The following KIAA1217 variants were observed in gnomAD, a reference collection of about 807,000 sequenced individuals.
KIAA1217 encodes KIAA1217.
A neutral mutation model predicts 163.9 loss-of-function variants in KIAA1217; 88 were observed. The observed-to-expected ratio is 0.54, with a 90% CI of 0.45 to 0.64. The LOEUF is 0.64. Ranked by LOEUF, KIAA1217 falls within the 30% of genes least tolerant of loss-of-function variation. KIAA1217 has a pLI of 0.00. For missense variants in KIAA1217, 2,372 were observed against 2,475.0 expected (o/e 0.96, Z 0.88); for synonymous variants, 903 against 923.1 (o/e 0.98, Z 0.39).
intron 1 of KIAA1217, among the ~76,000 whole-genome samples, chr10:23,760,982 A>T (rs1834236390): frequency 6.6e-6 from 1 of 152,156 alleles, no homozygotes; most frequent in Admixed American, 6.6e-5. Flanking sequence ...TGGGCATGGC[A>T]GTGCAGGCCT....
At chr10:23,786,534 T>C (rs1835500571) in intron 1 of KIAA1217, among the ~76,000 whole-genome samples, 1 of 124,500 alleles carries the variant, frequency 8.0e-6, no homozygotes. Flanking sequence ...TATTCAGAAG[T>C]AGCCAAAAAA....
intron 3 of KIAA1217, among the ~76,000 whole-genome samples, chr10:24,384,254 T>G (rs1208545913): frequency 6.6e-6 from 1 of 151,058 alleles, no homozygotes; most frequent in Admixed American, 6.6e-5. Flanking sequence ...GATCTTGCCT[T>G]TATTTAAAAT....
intron 2 of KIAA1217, among the ~76,000 whole-genome samples, chr10:24,314,068 G>A (rs1010182728): frequency 6.6e-6 from 1 of 151,966 alleles, no homozygotes; most frequent in Non-Finnish European, 1.5e-5. Flanking sequence ...TTGAACTCCT[G>A]ACTGAACATC....
At chr10:23,884,679 A>G (rs1251099680) in intron 1 of KIAA1217, among the ~76,000 whole-genome samples, 2 of 151,998 alleles carry the variant, frequency 1.3e-5, no homozygotes, top group Non-Finnish European at 2.9e-5. Context: ...TTCAGGCACT[A>G]TAAAACATAA....
intron 1 of KIAA1217, among the ~76,000 whole-genome samples, chr10:23,979,889 T>C (rs1225685148): frequency 6.6e-6 from 1 of 152,244 alleles, no homozygotes; most frequent in Non-Finnish European, 1.5e-5. Context: ...TTATTTCTCA[T>C]ATCTTTTGCT....
At chr10:24,430,477 G>T (rs1296378592) in intron 3 of KIAA1217, among the ~76,000 whole-genome samples, 2 of 152,194 alleles carry the variant, frequency 1.3e-5, no homozygotes, top group African/African-American at 4.8e-5. Flanking sequence ...GGGGGAGATG[G>T]TTTTGGGATG....
At chr10:24,486,695 C>G (rs996256838) in intron 6 of KIAA1217, among the ~76,000 whole-genome samples, 5 of 152,186 alleles carry the variant, frequency 3.3e-5, no homozygotes, top group Admixed American at 2.0e-4. Flanking sequence ...TCTCTCACTT[C>G]CTTAAGGTCT....
intron 1 of KIAA1217, among the ~76,000 whole-genome samples, chr10:23,949,316 G>A (rs910209686): frequency 1.3e-5 from 2 of 152,154 alleles, no homozygotes; most frequent in African/African-American, 2.4e-5. Flanking sequence ...TGGGAAACTC[G>A]GATGAGATTT....
intron 2 of KIAA1217, among the ~76,000 whole-genome samples, chr10:24,231,767 A>G (rs2071446639): frequency 6.6e-6 from 1 of 151,892 alleles, no homozygotes; most frequent in African/African-American, 2.4e-5. Flanking sequence ...CTTGGATGTG[A>G]TACCTGGAGG....
At chr10:24,458,473 T>C (rs2062029307) in intron 5 of KIAA1217, among the ~76,000 whole-genome samples, 3 of 152,104 alleles carry the variant, frequency 2.0e-5, no homozygotes, top group Non-Finnish European at 2.9e-5. Flanking sequence ...GGGACAGAAA[T>C]AGTACTCATT....
chr10:24,214,329 C>T (rs1430878886), intron 1 of KIAA1217, among the ~76,000 whole-genome samples: 2 of 152,190 alleles, frequency 1.3e-5, no homozygotes, highest in East Asian at 1.9e-4. Context: ...AGACACAGCA[C>T]AGTGTGATTT....
At chr10:24,315,944 CA>C (rs2043306858) in intron 2 of KIAA1217, among the ~76,000 whole-genome samples, 1 of 150,282 alleles carries the variant, frequency 6.7e-6, no homozygotes, top group South Asian at 2.1e-4. Context: ...GGGGGGAATC[CA>C]AGGAGCTTTT....
At chr10:24,203,905 G>A (rs1207732830), upstream of KIAA1217, among the ~76,000 whole-genome samples, 10 of 152,326 alleles carry the variant, frequency 6.6e-5, no homozygotes, top group Admixed American at 2.0e-4. Flanking sequence ...AGAGCTGAGC[G>A]GGGCTTTCAA....
At chr10:23,766,587 C>CT (rs766892555) in intron 1 of KIAA1217, among the ~76,000 whole-genome samples, 7,517 of 133,436 alleles carry the variant, frequency 0.056, 507 homozygotes, top group African/African-American at 0.15. Context: ...TTCTTTCTTT[C>CT]TTTTTTCTTT....
chr10:23,715,282 T>C (rs1252152700), intron 1 of KIAA1217, among the ~76,000 whole-genome samples: 1 of 152,164 alleles, frequency 6.6e-6, no homozygotes, highest in Non-Finnish European at 1.5e-5. Flanking sequence ...CTTTCCCTAG[T>C]GGGGGATGGA....
Position 24,247,627 on chromosome 10 carries a change from C to G in KIAA1217, c.354+27718C>G, listed in dbSNP as rs375568171. On this transcript the variant is annotated intron_variant, in intron 2 of 20. Coordinates refer to ENST00000376454, the MANE Select transcript of KIAA1217 (RefSeq NM_019590.5). ...CCTGGCTAACACGGTGAAACCCCGT[C>G]TCTACTAAAAATACAAAAACAAAAT... 4.6e-4 allele frequency among the ~76,000 whole-genome samples: 70 copies of G among 152,320 alleles called. 1 individual carries two copies. The South Asian group carries it at 0.014, about 31-fold the overall frequency.
intron 2 of KIAA1217, among the ~76,000 whole-genome samples, chr10:24,322,105 C>T (rs1444551673): frequency 6.6e-6 from 1 of 152,072 alleles, no homozygotes; most frequent in Non-Finnish European, 1.5e-5. Context: ...CATGCTATCA[C>T]ACCTGACTAA....
intron 1 of KIAA1217, among the ~76,000 whole-genome samples, chr10:23,933,922 A>C (rs1843362738): frequency 6.6e-6 from 1 of 152,104 alleles, no homozygotes; most frequent in Non-Finnish European, 1.5e-5. Flanking sequence ...AAAAAGAAAC[A>C]CTTTTACACT....
chr10:24,237,907 C>T (rs534863395), intron 2 of KIAA1217, among the ~76,000 whole-genome samples: 3 of 152,316 alleles, frequency 2.0e-5, no homozygotes, highest in Non-Finnish European at 4.4e-5. Flanking sequence ...CAGTGAACTA[C>T]GGCAATGCAA....
Sources: gnomAD v4.1 joint callset for allele counts (sites outside exome capture counted in the v4.1 genomes callset) on GRCh38, gnomAD v4.1.1 for gene constraint, MANE v1.5 for transcripts, NCBI Gene and HGNC (gene_info 2026-07-23, HGNC 2026-07-21) for gene names.